UBA5: variants seen among roughly 807,000 people sequenced by gnomAD.
UBA5 encodes the protein ubiquitin like modifier activating enzyme 5.
In UBA5, 28 loss-of-function variants were observed where a neutral mutation model predicts 52.9. The ratio of observed to expected loss-of-function variants is 0.53; its 90% CI spans 0.39 to 0.73. UBA5 has a LOEUF of 0.73. Among genes scored for constraint, UBA5 ranks in the 30% least tolerant of loss-of-function variants. The pLI is 0.00. For synonymous variants in UBA5, 135 were observed against 162.1 expected (o/e 0.83, Z 1.27); for missense variants, 388 against 492.7 (o/e 0.79, Z 2.01).
upstream of UBA5, among the ~76,000 whole-genome samples, chr3:132,658,016 C>T (rs1293148773): frequency 6.6e-6 from 1 of 151,974 alleles, no homozygotes; most frequent in Non-Finnish European, 1.5e-5. Flanking sequence ...CACGTGCCAC[C>T]ACGCCCGGCT....
At chr3:132,657,799 T>A (rs1337263556), upstream of UBA5, among the ~76,000 whole-genome samples, 1 of 152,126 alleles carries the variant, frequency 6.6e-6, no homozygotes, top group Non-Finnish European at 1.5e-5. Context: ...ATGAATCACT[T>A]AATTTATAAA....
upstream of UBA5, chr3:132,659,615 A>G (rs113591096): frequency 1.9e-4 from 307 of 1,610,830 alleles, 2 homozygotes; most frequent in African/African-American, 2.7e-3. Context: ...GTACTGGGCA[A>G]TGGTCAGCGT....
rs1210358830 is a variant in UBA5 at position 132,672,137 on chromosome 3, A to G, written c.772A>G (p.Met258Val). ...GVCAASLPTT[M>V]GVVAGILVQN... ...TTGTGCAGCCAGTCTTCCTACCACT[A>G]TGGGTGTGGTTGCTGGGATCTTAGT... Residue 258 changes from methionine to valine, a missense_variant, in exon 8 of 12, where the codon ATG (methionine) becomes GTG (valine). Around this residue, in one of 3 missense-constraint regions of UBA5, gnomAD observed 277 missense variants for 326.4 expected, o/e 0.85. Transcript: ENST00000356232. 4 of 1,613,946 alleles carry G rather than the reference A, an allele frequency of 2.5e-6. No individual in the cohort carries two copies. In the East Asian group the frequency reaches 6.7e-5, roughly 27 times the overall value.
At chr3:132,674,046 T>A (rs1353041918) in intron 8 of UBA5, among the ~76,000 whole-genome samples, 1 of 152,252 alleles carries the variant, frequency 6.6e-6, no homozygotes. Context: ...ATTATACATT[T>A]GTATCATAGT....
upstream of UBA5, among the ~76,000 whole-genome samples, chr3:132,657,846 T>C (rs142063936): frequency 7.1e-4 from 108 of 151,248 alleles, 1 homozygote; most frequent in African/African-American, 2.0e-3. Flanking sequence ...AAACTTTTGG[T>C]ATTAAAAAAA....
At chr3:132,670,843 T>A (rs1177203009) in intron 5 of UBA5, 122 bp from the exon 6 acceptor site, 1 of 557,078 alleles carries the variant, frequency 1.8e-6, no homozygotes, top group East Asian at 3.2e-5. Context: ...TACATATTTA[T>A]TATGTAATAA....
intron 1 of UBA5, among the ~76,000 whole-genome samples, chr3:132,662,900 G>A (rs1938226643): frequency 6.6e-6 from 1 of 152,156 alleles, no homozygotes. Context: ...ATTATTTAAA[G>A]ATTGAAGGGA....
rs1304969633 is a variant in UBA5 at position 132,670,173 on chromosome 3, T to C, written c.408-25T>C. ...TTGAAATGCTAGGATTACAGGCTTA[T>C]AATCATTCCCTTTTTCCTTCTTAGG... On this transcript the variant is annotated intron_variant, in intron 4 of 11. Transcript: ENST00000356232. The C allele has an allele frequency of 5.2e-6, 6 of 1,152,688 alleles. No individual in the cohort carries two copies. In the African/African-American group the frequency reaches 7.7e-5, roughly 15 times the overall value. 71.4% of individuals were successfully genotyped at this position (1,152,688 alleles called of 1,614,324 possible). A position where few individuals can be genotyped will look rare whatever the true frequency, so the allele number is the denominator to read the frequency against.
chr3:132,665,934 A>G, intron 2 of UBA5, 50 bp from the exon 3 acceptor site: 1 of 1,610,902 alleles, frequency 6.2e-7, no homozygotes, highest in Non-Finnish European at 8.5e-7. Context: ...TTCTGGTGAC[A>G]TATTTGATGA....
Position 132,678,941 on chromosome 3 carries a change from C to G in UBA5, c.*2415C>G, listed in dbSNP as rs1460152848. ...CTGGGATTATAGGTGTGAGCCACCACGCCCAGCCAAGAATATTTACTAAAG... is the reference window on the plus strand; with the variant it reads ...CTGGGATTATAGGTGTGAGCCACCAGGCCCAGCCAAGAATATTTACTAAAG... On this transcript the variant is annotated 3_prime_UTR_variant, in exon 12 of 12. Coordinates refer to ENST00000356232, the MANE Select transcript of UBA5 (RefSeq NM_024818.6). 6.6e-6 allele frequency among the ~76,000 whole-genome samples: 1 copy of G among 152,040 alleles called. No homozygotes were observed. The highest frequency in any genetic ancestry group is 1.5e-5 in the Non-Finnish European group (1 of 68,006).
At chr3:132,674,454 A>G (rs2107948448) in intron 8 of UBA5, among the ~76,000 whole-genome samples, 1 of 152,330 alleles carries the variant, frequency 6.6e-6, no homozygotes, top group South Asian at 2.1e-4. Context: ...TTGGGAGGCC[A>G]AGGCAGGCGG....
upstream of UBA5, among the ~76,000 whole-genome samples, chr3:132,656,729 T>C (rs1937826680): frequency 6.6e-6 from 1 of 152,134 alleles, no homozygotes; most frequent in African/African-American, 2.4e-5. Flanking sequence ...CGACCTCTGG[T>C]GATCCACCTG....
At chr3:132,664,872 A>G (rs1262683096) in intron 1 of UBA5, among the ~76,000 whole-genome samples, 1 of 152,188 alleles carries the variant, frequency 6.6e-6, no homozygotes, top group Non-Finnish European at 1.5e-5. Flanking sequence ...TACCTCATGA[A>G]TATGAATGTA....
chr3:132,671,123 C>A, intron 6 of UBA5, 74 bp downstream of exon 6: 1 of 1,285,144 alleles, frequency 7.8e-7, no homozygotes, highest in Non-Finnish European at 1.1e-6. Context: ...GTATATAATC[C>A]CCATCCTAAA....
rs771361395 is a variant in UBA5, at chr3:132,676,483, G to A, written c.1172G>A (p.Gly391Asp). The change falls in exon 12 of 12, where the codon GGT becomes GAT. Residue 391 changes from glycine (G) to aspartate (D), a missense_variant. Gly to Asp is a moderately conservative substitution (Grantham distance 94, BLOSUM62 -1). Coordinates refer to ENST00000356232, the MANE Select transcript of UBA5 (RefSeq NM_024818.6). This position sits in a 1 kb window ranked among gnomAD's most constrained non-coding sequence, Gnocchi z 4.1. ...SVTELTVEDS[G>D]ESLEDLMAKM... The stretch of plus-strand genomic sequence containing the variant: ...ACTGAGTTAACAGTGGAAGATTCTG[G>A]TGAAAGCTTGGAAGACCTCATGGCC... 3 of 1,611,210 alleles carry A rather than the reference G, an allele frequency of 1.9e-6. No homozygotes were observed. The highest frequency in any genetic ancestry group is 2.5e-6 in the Non-Finnish European group (3 of 1,178,958).
chr3:132,660,542 C>T lies in UBA5; in HGVS notation c.5C>T (p.Ala2Val), dbSNP rs898467888. M[A>V]ESVERLQQRV... Reference sequence around the variant, plus strand: ...TTGGCGGCCGGAGTCCCAGCCATGGCGGAGTCTGTGGAGCGCCTGCAGCAG... The same window carrying T: ...TTGGCGGCCGGAGTCCCAGCCATGGTGGAGTCTGTGGAGCGCCTGCAGCAG... The change falls in exon 1 of 12, where the codon GCG (alanine) becomes GTG (valine). Residue 2 changes from alanine to valine, a missense_variant. Around this residue, in one of 3 missense-constraint regions of UBA5, gnomAD observed 95 missense variants for 107.0 expected, o/e 0.89. Coordinates refer to ENST00000356232, the MANE Select transcript of UBA5 (RefSeq NM_024818.6). The surrounding 1 kb of genome is among the most constrained non-coding windows in gnomAD (Gnocchi z 4.1). The T allele has an allele frequency of 3.9e-6, 6 of 1,548,660 alleles. No individual in the cohort carries two copies. In the African/African-American group the frequency reaches 8.2e-5, roughly 21 times the overall value.
At position 132,668,931 on chromosome 3, in the gene UBA5, A is replaced by C. The variant is rs1314793831; in HGVS notation, c.407+4A>C. On this transcript the variant is annotated splice_donor_region_variant and intron_variant, in intron 4 of 11. Transcript: ENST00000356232. ...AAGCAGCAGAACATACTCTGAGGTA[A>C]ATGGAATAGCAATCAAGTACCATAT... is the stretch of plus-strand genomic sequence containing the variant. 2 of 1,561,186 alleles carry C rather than the reference A, an allele frequency of 1.3e-6. No individual in the cohort carries two copies. The highest frequency in any genetic ancestry group is 1.8e-5 in the Admixed American group (1 of 55,096).
intron 7 of UBA5, 50 bp downstream of exon 7, chr3:132,671,931 C>A (rs1938622259): frequency 6.3e-7 from 1 of 1,599,758 alleles, no homozygotes; most frequent in Admixed American, 1.7e-5. Context: ...TACTTGAGTT[C>A]TTAGGGGCAT....
chr3:132,655,539 GA>G (rs1485391581), upstream of UBA5, among the ~76,000 whole-genome samples: 1 of 152,124 alleles, frequency 6.6e-6, no homozygotes, highest in African/African-American at 2.4e-5. Flanking sequence ...CCTCTGTCTG[GA>G]ACACTCTTTT....
Sources: allele counts gnomAD v4.1 joint callset (sites outside exome capture counted in the v4.1 genomes callset), GRCh38; gene constraint gnomAD v4.1.1; regional missense constraint gnomAD v4.1.1; non-coding constraint Gnocchi (gnomAD v3.1); transcripts MANE v1.5; gene names NCBI Gene and HGNC (gene_info 2026-07-23, HGNC 2026-07-21).